ADGRL1: variants seen among roughly 807,000 people sequenced by gnomAD.
ADGRL1 encodes the protein CIRL-1.
In ADGRL1, 31 loss-of-function variants were observed where a neutral mutation model predicts 148.9. That is an observed-to-expected ratio of 0.21 (90% CI 0.16 to 0.28). The LOEUF is 0.28. Among genes scored for constraint, ADGRL1 ranks in the 10% least tolerant of loss-of-function variants. ADGRL1 has a pLI of 1.00. For missense variants in ADGRL1, 1,521 were observed against 2,058.8 expected (o/e 0.74, Z 5.05); for synonymous variants, 937 against 900.3 (o/e 1.04, Z -0.73).
intron 1 of ADGRL1, among the ~76,000 whole-genome samples, chr19:14,201,891 G>A (rs192276079): frequency 1.3e-5 from 2 of 152,290 alleles, no homozygotes; most frequent in East Asian, 1.9e-4. Flanking sequence ...AAAGCCGTCC[G>A]CTGTACTGAA....
intron 1 of ADGRL1, among the ~76,000 whole-genome samples, chr19:14,184,630 A>ATTTTTT (rs1568618689): frequency 5.7e-5 from 5 of 88,490 alleles, no homozygotes; most frequent in African/African-American, 1.9e-4. Flanking sequence ...TTATTTATTT[A>ATTTTTT]TTTATTTATT....
In ADGRL1 at chr19:14,152,049, C is replaced by T; in HGVS notation, c.3667+84G>A. The T allele has an allele frequency of 7.5e-7, 1 of 1,336,228 alleles. No individual in the cohort carries two copies. The highest frequency in any genetic ancestry group is 1.1e-6 in the Non-Finnish European group (1 of 927,386). The allele number at this position is 1,336,228 out of a possible 1,614,324, so 82.8% of individuals were successfully genotyped here. ...GCATGGGGAGGCATCCCGAGTTCTC[C>T]TCCTTAAGTGAGGCCGTCTGAGAAG... On this transcript the variant is annotated intron_variant, in intron 22 of 22. Transcript: ENST00000361434. This position sits in a 1 kb window ranked among gnomAD's most constrained non-coding sequence, Gnocchi z 6.1.
intron 3 of ADGRL1, 100 bp from the exon 4 acceptor site, chr19:14,170,891 A>C (rs1970414518): frequency 1.5e-6 from 1 of 660,556 alleles, no homozygotes; most frequent in Non-Finnish European, 2.7e-6. Flanking sequence ...ACACCCCCAA[A>C]TTGGGAAGGG....
intron 3 of ADGRL1, among the ~76,000 whole-genome samples, chr19:14,172,725 A>G (rs180687464): frequency 6.6e-6 from 1 of 152,270 alleles, no homozygotes; most frequent in African/African-American, 2.4e-5. Context: ...TAGACAATTC[A>G]TACATTTTAA....
chr19:14,194,675 T>TG (rs370479259), intron 1 of ADGRL1, among the ~76,000 whole-genome samples: 40 of 152,130 alleles, frequency 2.6e-4, no homozygotes, highest in Middle Eastern at 3.4e-3. Flanking sequence ...TGGTGAGCTG[T>TG]GGGGGGATCC....
Position 14,155,703 on chromosome 19 carries a change from A to G in ADGRL1, c.3126-176T>C, listed in dbSNP as rs1431441264. 3.3e-6 allele frequency: 2 copies of G among 615,286 alleles called. No homozygotes were observed. The highest frequency in any genetic ancestry group is 5.7e-6 in the Non-Finnish European group (2 of 351,930). 38.1% of individuals were successfully genotyped at this position (615,286 alleles called of 1,614,324 possible). A position where few individuals can be genotyped will look rare whatever the true frequency, so the allele number is the denominator to read the frequency against. On this transcript the variant is annotated intron_variant, in intron 17 of 22. Transcript: ENST00000361434. This position sits in a 1 kb window ranked among gnomAD's most constrained non-coding sequence, Gnocchi z 5.0. ...GGCCTGCCCAGGACACCTCCACCGG[A>G]GCCTGGGCCTGAGGGAAAGGTACTG...
At chr19:14,188,101 AAAAT>A (rs910888840) in intron 1 of ADGRL1, among the ~76,000 whole-genome samples, 1 of 152,170 alleles carries the variant, frequency 6.6e-6, no homozygotes, top group South Asian at 2.1e-4. Context: ...TCTCTTAATA[AAAAT>A]AAATAAATAA....
At chr19:14,184,655 T>TC (rs1971471070) in intron 1 of ADGRL1, among the ~76,000 whole-genome samples, 1 of 148,262 alleles carries the variant, frequency 6.7e-6, no homozygotes, top group African/African-American at 2.5e-5. Flanking sequence ...TATTTTTTTT[T>TC]CTGAGACGGA....
In ADGRL1 at chr19:14,157,059, G is replaced by A. The variant is rs748969935; in HGVS notation, c.2832C>T (p.Tyr944=). 7 of 1,614,128 alleles carry A rather than the reference G, an allele frequency of 4.3e-6. No homozygotes were observed. In the South Asian group the frequency reaches 6.6e-5, roughly 15 times the overall value. Residue 944 remains tyrosine, a synonymous_variant, in exon 15 of 23, where the codon TAC becomes TAT. Transcript: ENST00000361434. The surrounding 1 kb of genome is among the most constrained non-coding windows in gnomAD (Gnocchi z 7.5). ...TCTCAAACACCTCCACTAGTAGCAG[G>A]TAGAGGTGCACGCCCTCCAGGCACA... ...SWLCLEGVHL[Y]LLLVEVFESE...
chr19:14,150,804 TC>T lies in ADGRL1; in HGVS notation c.*68del, dbSNP rs1338355252. 111 of 1,548,446 alleles carry T rather than the reference TC, an allele frequency of 7.2e-5. No individual in the cohort carries two copies. The highest frequency in any genetic ancestry group is 9.6e-5 in the Non-Finnish European group (110 of 1,147,552). On this transcript the variant is annotated 3_prime_UTR_variant, in exon 23 of 23. Transcript: ENST00000361434. ...GCCACTGCCTCCATCTGTCTCCCTC[TC>T]CCACCAGAGCCCTGCCCAGGGTTCC...
chr19:14,181,447 G>A (rs750289292), intron 2 of ADGRL1, among the ~76,000 whole-genome samples: 2 of 152,178 alleles, frequency 1.3e-5, no homozygotes, highest in Non-Finnish European at 2.9e-5. Flanking sequence ...GGCTGGGCGC[G>A]GTGGTTCACG....
intron 3 of ADGRL1, among the ~76,000 whole-genome samples, chr19:14,176,169 T>C (rs2144944498): frequency 6.6e-6 from 1 of 151,692 alleles, no homozygotes; most frequent in South Asian, 2.1e-4. Flanking sequence ...GCCAAGATGG[T>C]GACACCCCGT....
chr19:14,190,226 G>A (rs907554945), intron 1 of ADGRL1, among the ~76,000 whole-genome samples: 2 of 151,668 alleles, frequency 1.3e-5, no homozygotes, highest in South Asian at 2.1e-4. Flanking sequence ...CACCTGGCCT[G>A]CTATTATTAA....
At chr19:14,180,264 T>C (rs191464718) in intron 2 of ADGRL1, among the ~76,000 whole-genome samples, 3 of 152,180 alleles carry the variant, frequency 2.0e-5, no homozygotes, top group East Asian at 1.9e-4. Flanking sequence ...GCCTGACTTC[T>C]ATTTGTTTTG....
At chr19:14,177,436 T>C (rs894463665) in intron 3 of ADGRL1, 95 bp downstream of exon 3, 2 of 1,175,586 alleles carry the variant, frequency 1.7e-6, no homozygotes, top group African/African-American at 3.0e-5. Context: ...GTTGAATGCA[T>C]AAAAAAAAGA....
chr19:14,198,441 C>A (rs192415289), intron 1 of ADGRL1, among the ~76,000 whole-genome samples: 2 of 152,282 alleles, frequency 1.3e-5, no homozygotes, highest in East Asian at 3.9e-4. Context: ...CAAGCACTGG[C>A]TGCTTCTGGC....
intron 3 of ADGRL1, among the ~76,000 whole-genome samples, chr19:14,175,984 G>GTC (rs1342820076): frequency 6.6e-6 from 1 of 151,820 alleles, no homozygotes; most frequent in Admixed American, 6.6e-5. Flanking sequence ...AACCCTGGAG[G>GTC]TGGAGGTTGC....
chr19:14,159,774 C>A lies in ADGRL1; in HGVS notation c.1801-1G>T. The A allele has an allele frequency of 6.2e-7, 1 of 1,613,854 alleles. No individual in the cohort carries two copies. The highest frequency in any genetic ancestry group is 8.5e-7 in the Non-Finnish European group (1 of 1,179,812). ...TACAAGTTCTCTCTCGCTTGTGCATCTAGAAAGAGATGGAGGTGATGTCAG... is the reference window on the plus strand; with the variant it reads ...TACAAGTTCTCTCTCGCTTGTGCATATAGAAAGAGATGGAGGTGATGTCAG... On this transcript the variant is annotated splice_acceptor_variant, in intron 8 of 22. Transcript: ENST00000361434. LOFTEE classifies it high-confidence loss of function. This position sits in a 1 kb window ranked among gnomAD's most constrained non-coding sequence, Gnocchi z 6.0.
At position 14,184,641 on chromosome 19, in the gene ADGRL1, TATTTA is replaced by T. The variant is rs200846446; in HGVS notation, c.-95-949_-95-945del. On this transcript the variant is annotated intron_variant, in intron 1 of 22. Transcript: ENST00000361434. ...TTATTTATTTATTTATTTATTTATTTATTTATTTTTTTTTCTGAGACGGAGTCGTG... is the reference window on the plus strand; with the variant it reads ...TTATTTATTTATTTATTTATTTATTTTTTTTTTTTCTGAGACGGAGTCGTG... 8.8e-3 allele frequency among the ~76,000 whole-genome samples: 1,206 copies of T among 137,194 alleles called. 71 individuals carry two copies. The highest frequency in any genetic ancestry group is 0.032 in the African/African-American group (1,113 of 34,794). 90.0% of individuals were successfully genotyped at this position (137,194 alleles called of 152,430 possible).
Sources: allele counts gnomAD v4.1 joint callset (sites outside exome capture counted in the v4.1 genomes callset), GRCh38; gene constraint gnomAD v4.1.1; non-coding constraint Gnocchi (gnomAD v3.1); transcripts MANE v1.5; gene names NCBI Gene and HGNC (gene_info 2026-07-23, HGNC 2026-07-21).